Variants in RREB1 observed in about 807,000 individuals in gnomAD.
RREB1 encodes the protein ras responsive element binding protein 1, also known as ras-responsive element-binding protein 1.
In RREB1, 27 loss-of-function variants were observed where a neutral mutation model predicts 117.8. The ratio of observed to expected loss-of-function variants is 0.23; its 90% CI spans 0.17 to 0.32. RREB1 has a LOEUF of 0.32. Ranked by LOEUF, RREB1 falls within the 10% of genes least tolerant of loss-of-function variation. The pLI is 1.00. For synonymous variants in RREB1, 1,298 were observed against 1,026.7 expected, an observed-to-expected ratio of 1.26 and a Z score of -5.05; for missense variants, 2,577 against 2,378.2, an observed-to-expected ratio of 1.08 and a Z score of -1.74.
intron 12 of RREB1, among the ~76,000 whole-genome samples, chr6:7,248,089 G>T (rs79735271): frequency 0.012 from 1,759 of 152,316 alleles, 38 homozygotes; most frequent in African/African-American, 0.04. Flanking sequence ...GAAAGCCCCC[G>T]CTGCACCACA....
Position 7,177,591 on chromosome 6 carries a change from A to G in RREB1, c.-166+818A>G, listed in dbSNP as rs189134687. Among the ~76,000 whole-genome samples the G allele has an allele frequency of 3.3e-5, 5 of 152,188 alleles. No homozygotes were observed. In the East Asian group the frequency reaches 7.7e-4, roughly 24 times the overall value. On this transcript the variant is annotated intron_variant, in intron 2 of 12. Transcript: ENST00000379938. ...ACTCTGTCGCCCAGGCTGGAATGCA[A>G]TGGTGTGATCATAGCTCACTGCAGC... is the stretch of plus-strand genomic sequence containing the variant.
rs1230224221 is a variant in RREB1, at chr6:7,212,144, C to T, written c.707+435C>T. Reference sequence around the variant, plus strand: ...CAGCACTGGTCCATCATAGGCACTCCGAAGTGTTTGAACTGAGCTGGACCT... The same window carrying T: ...CAGCACTGGTCCATCATAGGCACTCTGAAGTGTTTGAACTGAGCTGGACCT... On this transcript the variant is annotated intron_variant, in intron 8 of 12. Transcript: ENST00000379938. 5.2e-5 allele frequency: 9 copies of T among 172,062 alleles called. No individual in the cohort carries two copies. The South Asian group carries it at 1.0e-3, about 19-fold the overall frequency. 10.7% of individuals were successfully genotyped at this position (172,062 alleles called of 1,614,324 possible).
chr6:7,166,903 G>T (rs1308128658), intron 1 of RREB1, among the ~76,000 whole-genome samples: 4 of 152,178 alleles, frequency 2.6e-5, no homozygotes, highest in Non-Finnish European at 4.4e-5. Flanking sequence ...TGAAAGAGTT[G>T]CAGGATATTG....
At chr6:7,188,828 G>T (rs1375302348) in intron 5 of RREB1, among the ~76,000 whole-genome samples, 1 of 152,120 alleles carries the variant, frequency 6.6e-6, no homozygotes, top group Non-Finnish European at 1.5e-5. Context: ...TCACTGTTGA[G>T]TGTCCTTCGG....
chr6:7,228,959 CAT>C (rs751011488), intron 9 of RREB1, 36 bp from the exon 10 acceptor site: 128 of 1,470,634 alleles, frequency 8.7e-5, no homozygotes, highest in Non-Finnish European at 1.0e-4. Flanking sequence ...TCAATCTTCA[CAT>C]GTGTTCCCTT....
intron 5 of RREB1, among the ~76,000 whole-genome samples, chr6:7,188,232 T>TGTGG (rs1765194889): frequency 1.8e-5 from 2 of 108,426 alleles, no homozygotes; most frequent in African/African-American, 7.3e-5. Context: ...CACACGTGTG[T>TGTGG]GTGTGTGTGT....
chr6:7,124,799 A>G (rs1761839165), intron 1 of RREB1, among the ~76,000 whole-genome samples: 1 of 152,288 alleles, frequency 6.6e-6, no homozygotes, highest in East Asian at 1.9e-4. Context: ...CTCTGACCCC[A>G]TGATGTAGAT....
intron 1 of RREB1, among the ~76,000 whole-genome samples, chr6:7,109,859 G>A (rs1761049775): frequency 6.6e-6 from 1 of 152,118 alleles, no homozygotes. Flanking sequence ...TGGTGGATGT[G>A]GAGAGAGACA....
chr6:7,167,878 T>C (rs963076667), intron 1 of RREB1, among the ~76,000 whole-genome samples: 1 of 152,160 alleles, frequency 6.6e-6, no homozygotes, highest in South Asian at 2.1e-4. Context: ...GGCAGTGTTA[T>C]CAGCTTCATT....
chr6:7,109,312 G>C (rs1298292580), intron 1 of RREB1, among the ~76,000 whole-genome samples: 2 of 149,550 alleles, frequency 1.3e-5, no homozygotes, highest in African/African-American at 2.5e-5. Context: ...CCCCCTCCCC[G>C]CTCGCGGTCT....
chr6:7,160,472 A>G (rs1425872204), intron 1 of RREB1, among the ~76,000 whole-genome samples: 4 of 152,170 alleles, frequency 2.6e-5, no homozygotes, highest in Non-Finnish European at 5.9e-5. Context: ...TAGCTTTTTA[A>G]ACTTGACCTA....
intron 5 of RREB1, among the ~76,000 whole-genome samples, chr6:7,187,947 G>C (rs1228871370): frequency 6.6e-6 from 1 of 152,122 alleles, no homozygotes; most frequent in Non-Finnish European, 1.5e-5. Context: ...CTTGAGATCA[G>C]GATTTGGAGA....
rs762367898 is a variant in RREB1, at chr6:7,181,864, T to C, written c.-42-6T>C. 10 of 1,606,350 alleles carry C rather than the reference T, an allele frequency of 6.2e-6. No individual in the cohort carries two copies. Reference sequence around the variant, plus strand: ...CATGATCACATCAGCAATTTCCAATTTTCAGTTTTATAGCAGAGGCTTCTT... The same window carrying C: ...CATGATCACATCAGCAATTTCCAATCTTCAGTTTTATAGCAGAGGCTTCTT... On this transcript the variant is annotated splice_polypyrimidine_tract_variant and splice_region_variant and intron_variant, in intron 3 of 12. Coordinates refer to ENST00000379938, the MANE Select transcript of RREB1 (RefSeq NM_001003699.4).
intron 12 of RREB1, among the ~76,000 whole-genome samples, chr6:7,248,173 C>A (rs1769212705): frequency 6.6e-6 from 1 of 152,262 alleles, no homozygotes; most frequent in African/African-American, 2.4e-5. Flanking sequence ...AGGGTCCACT[C>A]CTGTCCCCCT....
chr6:7,236,641 G>C lies in RREB1; in HGVS notation c.3809-3797G>C, dbSNP rs1406545167. On this transcript the variant is annotated intron_variant, in intron 10 of 12. Coordinates refer to ENST00000379938, the MANE Select transcript of RREB1 (RefSeq NM_001003699.4). The stretch of plus-strand genomic sequence containing the variant: ...TCAGGCTGTCATCTTGTTACAAAAA[G>C]AAAAGCAACTGCAAGGTTTTCTATG... Among the ~76,000 whole-genome samples the C allele has an allele frequency of 2.0e-5, 3 of 151,926 alleles. 1 individual carries two copies. The highest frequency in any genetic ancestry group is 6.4e-3 in the Middle Eastern group (2 of 314).
At chr6:7,211,427 A>C in intron 7 of RREB1, 146 bp from the exon 8 acceptor site, 1 of 665,784 alleles carries the variant, frequency 1.5e-6, no homozygotes, top group Admixed American at 2.7e-5. Context: ...TGAATGAATG[A>C]ATGGTCAGGT....
intron 1 of RREB1, among the ~76,000 whole-genome samples, chr6:7,123,438 A>G (rs778138915): frequency 2.7e-4 from 41 of 152,122 alleles, no homozygotes; most frequent in Non-Finnish European, 4.9e-4. Context: ...CTAGGATTAC[A>G]GGCGTGAGCC....
In RREB1 at chr6:7,126,787, C is replaced by T. The variant is rs1338288157; in HGVS notation, c.-285+18727C>T. Among the ~76,000 whole-genome samples the T allele has an allele frequency of 2.6e-5, 4 of 152,184 alleles. No homozygotes were observed. In the East Asian group the frequency reaches 7.7e-4, roughly 29 times the overall value. On this transcript the variant is annotated intron_variant, in intron 1 of 12. Transcript: ENST00000379938. ...CTGTGGAATACCACCATCAGCAAGC[C>T]TGCATCAAGAACCGTTTCTTGACAC...
chr6:7,163,869 G>A (rs970492819), intron 1 of RREB1, among the ~76,000 whole-genome samples: 8 of 152,164 alleles, frequency 5.3e-5, no homozygotes, highest in Admixed American at 1.3e-4. Context: ...CCATTGTTTC[G>A]CAAGTTTTCT....
Sources: gnomAD v4.1 joint callset for allele counts (sites outside exome capture counted in the v4.1 genomes callset) on GRCh38, gnomAD v4.1.1 for gene constraint, MANE v1.5 for transcripts, NCBI Gene and HGNC (gene_info 2026-07-23, HGNC 2026-07-21) for gene names.